Variants in CDH18 observed in about 807,000 individuals in gnomAD.
CDH18 encodes cadherin-18.
A neutral mutation model predicts 67.9 loss-of-function variants in CDH18; 31 were observed. The observed-to-expected ratio is 0.46, with a 90% confidence interval of 0.34 to 0.62. The LOEUF is 0.62. Among genes scored for constraint, CDH18 ranks in the 20% least tolerant of loss-of-function variants. The pLI is 0.01. For synonymous variants in CDH18, 362 were observed against 347.2 expected (o/e 1.04, Z -0.48); for missense variants, 890 against 975.5 (o/e 0.91, Z 1.17).
chr5:20,014,248 T>C (rs980650907), intron 2 of CDH18, among the ~76,000 whole-genome samples: 1 of 152,084 alleles, frequency 6.6e-6, no homozygotes, highest in Non-Finnish European at 1.5e-5. Flanking sequence ...AGGAAATATA[T>C]CCATAGTCTC....
intron 7 of CDH18, among the ~76,000 whole-genome samples, chr5:19,586,849 T>C (rs62349555): frequency 0.058 from 8,765 of 152,208 alleles, 287 homozygotes; most frequent in Non-Finnish European, 0.074. Flanking sequence ...TTCCTTTTTC[T>C]CCACAACCTC....
At chr5:20,224,975 C>T (rs532105401) in intron 2 of CDH18, among the ~76,000 whole-genome samples, 8 of 152,096 alleles carry the variant, frequency 5.3e-5, no homozygotes, top group African/African-American at 1.9e-4. Flanking sequence ...CTTCTTCTTG[C>T]CTTTTGCCCT....
chr5:19,644,349 T>C (rs893139605), intron 5 of CDH18, among the ~76,000 whole-genome samples: 5 of 152,032 alleles, frequency 3.3e-5, no homozygotes, highest in Admixed American at 2.0e-4. Context: ...AAGAAGCATA[T>C]AGATCCCATC....
chr5:19,772,453 C>A (rs2149744162), intron 3 of CDH18, among the ~76,000 whole-genome samples: 1 of 152,156 alleles, frequency 6.6e-6, no homozygotes, highest in Non-Finnish European at 1.5e-5. Flanking sequence ...ATAATACTTG[C>A]TTTAAAGCTG....
chr5:19,885,356 G>A (rs896099582), intron 2 of CDH18, among the ~76,000 whole-genome samples: 8 of 152,246 alleles, frequency 5.3e-5, no homozygotes, highest in African/African-American at 1.7e-4. Context: ...CTGTTATCAA[G>A]CAAATCAGAT....
intron 1 of CDH18, among the ~76,000 whole-genome samples, chr5:20,351,397 T>C (rs1741175711): frequency 6.6e-6 from 1 of 152,150 alleles, no homozygotes; most frequent in Middle Eastern, 3.2e-3. Flanking sequence ...TAAGCAACAT[T>C]AACAGCAGCT....
chr5:19,842,777 GAAC>G (rs1782484556), intron 2 of CDH18, among the ~76,000 whole-genome samples: 1 of 152,114 alleles, frequency 6.6e-6, no homozygotes, highest in Non-Finnish European at 1.5e-5. Flanking sequence ...GACACTTGTT[GAAC>G]GGTTTTGACC....
At chr5:20,097,493 C>G (rs1406641370) in intron 2 of CDH18, among the ~76,000 whole-genome samples, 1 of 152,110 alleles carries the variant, frequency 6.6e-6, no homozygotes, top group Non-Finnish European at 1.5e-5. Context: ...CCCCAAGATT[C>G]AGTTACCTTC....
chr5:19,936,742 C>G (rs1476284176), intron 2 of CDH18, among the ~76,000 whole-genome samples: 2 of 150,898 alleles, frequency 1.3e-5, no homozygotes, highest in Non-Finnish European at 3.0e-5. Context: ...CTAAACTTAT[C>G]TTTAGAACAC....
At chr5:19,582,218 C>G (rs62349552) in intron 7 of CDH18, among the ~76,000 whole-genome samples, 3 of 151,650 alleles carry the variant, frequency 2.0e-5, no homozygotes, top group African/African-American at 7.3e-5. Context: ...TATGTGTGCA[C>G]GTGTATGTGT....
chr5:19,700,017 A>T (rs1043583364), intron 5 of CDH18, among the ~76,000 whole-genome samples: 1 of 145,138 alleles, frequency 6.9e-6, no homozygotes, highest in Non-Finnish European at 1.5e-5. Context: ...TTAATTTGAG[A>T]TATTTATGAA....
chr5:20,512,487 T>C (rs1396841390), intron 1 of CDH18, among the ~76,000 whole-genome samples: 1 of 152,188 alleles, frequency 6.6e-6, no homozygotes, highest in Non-Finnish European at 1.5e-5. Flanking sequence ...GTGACTGCTA[T>C]AAGATACTTG....
At chr5:19,997,509 C>T (rs1736108007) in intron 2 of CDH18, among the ~76,000 whole-genome samples, 2 of 152,138 alleles carry the variant, frequency 1.3e-5, no homozygotes, top group Admixed American at 1.3e-4. Flanking sequence ...TTAATTACTC[C>T]TGTATCTAGG....
Position 20,055,438 on chromosome 5 carries a change from T to A in CDH18, c.-517-63424A>T, listed in dbSNP as rs1197500101. 2.6e-5 allele frequency among the ~76,000 whole-genome samples: 4 copies of A among 152,344 alleles called. No individual in the cohort carries two copies. The South Asian group carries it at 8.3e-4, about 32-fold the overall frequency. Reference sequence around the variant, plus strand: ...AAGTGTAAGCCAAGTAGAAAGTATGTCTAGAAAGGATGTTTTTTGCCAATA... The same window carrying A: ...AAGTGTAAGCCAAGTAGAAAGTATGACTAGAAAGGATGTTTTTTGCCAATA... On this transcript the variant is annotated intron_variant, in intron 2 of 14. Transcript: ENST00000507958.
intron 2 of CDH18, among the ~76,000 whole-genome samples, chr5:20,016,838 T>A (rs1737923330): frequency 6.6e-6 from 1 of 152,122 alleles, no homozygotes; most frequent in Admixed American, 6.6e-5. Flanking sequence ...ATCACGGCCT[T>A]GGGGTCAGGT....
chr5:20,026,269 C>A (rs1013676352), intron 2 of CDH18, among the ~76,000 whole-genome samples: 33 of 152,114 alleles, frequency 2.2e-4, no homozygotes, highest in African/African-American at 8.0e-4. Flanking sequence ...GTGGCCAAAT[C>A]ATAAATTTGC....
At position 20,226,716 on chromosome 5, in the gene CDH18, A is replaced by G. The variant is rs141424984; in HGVS notation, c.-518+28728T>C. 8.8e-3 allele frequency among the ~76,000 whole-genome samples: 1,338 copies of G among 152,270 alleles called. 23 individuals are homozygous for G. The highest frequency in any genetic ancestry group is 0.03 in the African/African-American group (1,229 of 41,556). On this transcript the variant is annotated intron_variant, in intron 2 of 14. Coordinates refer to the CDH18 transcript ENST00000507958. ...TCCTTCTGTCATGACAGCAAATCAT[A>G]TAAAGTGGAATAATTATTTACTACC...
intron 1 of CDH18, among the ~76,000 whole-genome samples, chr5:20,422,101 AT>A (rs1747914169): frequency 6.6e-6 from 1 of 151,102 alleles, no homozygotes; most frequent in African/African-American, 2.5e-5. Flanking sequence ...TGGTATGAAA[AT>A]TCTAGGAAGA....
chr5:19,691,165 A>G (rs962101049), intron 5 of CDH18, among the ~76,000 whole-genome samples: 3 of 105,630 alleles, frequency 2.8e-5, no homozygotes, highest in African/African-American at 7.7e-5. Context: ...TAACAGAAGG[A>G]AGGACAAAAA....
Sources: allele counts gnomAD v4.1 joint callset (sites outside exome capture counted in the v4.1 genomes callset), GRCh38; gene constraint gnomAD v4.1.1; transcripts MANE v1.5; gene names NCBI Gene and HGNC (gene_info 2026-07-23, HGNC 2026-07-21).